Variants in P3H3 observed in about 807,000 individuals in gnomAD.
P3H3 encodes prolyl 3-hydroxylase 3.
In P3H3, 64 loss-of-function variants were observed where a neutral mutation model predicts 78.1. The observed-to-expected ratio is 0.82, with a 90% CI of 0.67 to 1.01. P3H3 has a LOEUF of 1.01. Among genes scored for constraint, P3H3 ranks in the 50% least tolerant of loss-of-function variants. P3H3 has a pLI of 0.00. For missense variants in P3H3, 975 were observed against 982.2 expected, an observed-to-expected ratio of 0.99 and a Z score of 0.10; for synonymous variants, 425 against 416.7, an observed-to-expected ratio of 1.02 and a Z score of -0.24.
Position 6,829,954 on chromosome 12 carries a change from A to ACGAATGT in P3H3, c.597_603dup (p.Gly202AsnfsTer22), listed in dbSNP as rs1273190842. ...TGCGGGAGGACATGGCTAAGTACAGACGAATGTCGGGAGTTCGGCCCCAGA... is the reference window on the plus strand; with the variant it reads ...TGCGGGAGGACATGGCTAAGTACAGACGAATGTCGAATGTCGGGAGTTCGGCCCCAGA... On this transcript the variant is annotated frameshift_variant, in exon 2 of 15. Transcript: ENST00000290510. LOFTEE classifies it high-confidence loss of function. This position sits in a 1 kb window ranked among gnomAD's most constrained non-coding sequence, Gnocchi z 5.1. 9 of 1,613,860 alleles carry ACGAATGT rather than the reference A, an allele frequency of 5.6e-6. No homozygotes were observed. The highest frequency in any genetic ancestry group is 2.7e-5 in the African/African-American group (2 of 74,910).
Position 6,830,687 on chromosome 12 carries a change from C to G in P3H3, c.902C>G (p.Thr301Arg). Residue 301 changes from threonine to arginine, a missense_variant, in exon 4 of 15, where the codon ACA (threonine) becomes AGA (arginine). Physicochemically the swap from Thr to Arg is moderately conservative, Grantham distance 71. Coordinates refer to ENST00000290510, the MANE Select transcript of P3H3 (RefSeq NM_014262.5). ...TGCCGGCAACGCTGTGTGGGGGAAA[C>G]AGCCACACGCCCTGGTCGCAGCTTC... Reference protein sequence around the residue: ...LQCRQRCVGETATRPGRSFPV... With the variant: ...LQCRQRCVGERATRPGRSFPV... 2 of 1,613,676 alleles carry G rather than the reference C, an allele frequency of 1.2e-6. No individual in the cohort carries two copies. The highest frequency in any genetic ancestry group is 1.7e-5 in the Admixed American group (1 of 59,974).
In P3H3 at chr12:6,829,919, C is replaced by A; in HGVS notation, c.559C>A (p.His187Asn). 6.2e-7 allele frequency: 1 copy of A among 1,614,050 alleles called. No homozygotes were observed. The highest frequency in any genetic ancestry group is 8.5e-7 in the Non-Finnish European group (1 of 1,179,882). Reference protein sequence around the residue: ...AHTFFVANPMHLQMREDMAKY... With the variant: ...AHTFFVANPMNLQMREDMAKY... ...CACCTTCTTTGTAGCAAACCCCATGCACCTGCAGATGCGGGAGGACATGGC... is the reference window on the plus strand; with the variant it reads ...CACCTTCTTTGTAGCAAACCCCATGAACCTGCAGATGCGGGAGGACATGGC... Residue 187 changes from histidine (H) to asparagine (N), a missense_variant, in exon 2 of 15, where the codon CAC becomes AAC. Coordinates refer to ENST00000290510, the MANE Select transcript of P3H3 (RefSeq NM_014262.5). This position sits in a 1 kb window ranked among gnomAD's most constrained non-coding sequence, Gnocchi z 5.1.
rs781989082 is a variant in P3H3, at chr12:6,829,944, C to T, written c.584C>T (p.Ala195Val). The change falls in exon 2 of 15, where the codon GCT (alanine) becomes GTT (valine). Residue 195 changes from alanine to valine, a missense_variant. Transcript: ENST00000290510. This position sits in a 1 kb window ranked among gnomAD's most constrained non-coding sequence, Gnocchi z 5.1. ...PMHLQMREDM[A>V]KYRRMSGVRP... ...CACCTGCAGATGCGGGAGGACATGG[C>T]TAAGTACAGACGAATGTCGGGAGTT... 2.5e-6 allele frequency: 4 copies of T among 1,613,908 alleles called. No individual in the cohort carries two copies. In the African/African-American group the frequency reaches 5.3e-5, roughly 22 times the overall value.
chr12:6,829,703 C>A lies in P3H3; in HGVS notation c.499-156C>A. 1.4e-6 allele frequency: 1 copy of A among 720,450 alleles called. No individual in the cohort carries two copies. Among genetic ancestry groups the A allele is most frequent in the Non-Finnish European group, 2.4e-6 (1 of 422,668 alleles). 44.6% of individuals were successfully genotyped at this position (720,450 alleles called of 1,614,324 possible). A position where few individuals can be genotyped will look rare whatever the true frequency, so the allele number is the denominator to read the frequency against. On this transcript the variant is annotated intron_variant, in intron 1 of 14. Coordinates refer to ENST00000290510, the MANE Select transcript of P3H3 (RefSeq NM_014262.5). This position sits in a 1 kb window ranked among gnomAD's most constrained non-coding sequence, Gnocchi z 5.1. Reference sequence around the variant, plus strand: ...AACGTTCTGGCCTCTAGGGGATCTGCAGTTCGGGCGGTGGGCGGTTCTGAT... The same window carrying A: ...AACGTTCTGGCCTCTAGGGGATCTGAAGTTCGGGCGGTGGGCGGTTCTGAT...
In P3H3 at chr12:6,833,573, C is replaced by CTGT. The variant is rs1565512723; in HGVS notation, c.1213-18_1213-17insGTT. The CTGT allele has an allele frequency of 6.2e-7, 1 of 1,613,198 alleles. No individual in the cohort carries two copies. The highest frequency in any genetic ancestry group is 1.7e-5 in the Admixed American group (1 of 60,026). ...GGGCTGACCTTGGTGGGTGATGATG[C>CTGT]TTTTCTGGACTGTCGCAGGACCCCT... On this transcript the variant is annotated intron_variant, in intron 6 of 14. Transcript: ENST00000290510.
At position 6,839,323 on chromosome 12, in the gene P3H3, G is replaced by T. The variant is rs1555122736; in HGVS notation, c.2073G>T (p.Leu691=). The change falls in exon 15 of 15, where the codon CTG becomes CTT. Residue 691 remains leucine (L), a synonymous_variant. Transcript: ENST00000290510. Reference sequence around the variant, plus strand: ...AGTGGATAGAAGCCAAAGAACTGCTGCAGGAGTCACAGGAGGAGGAGGAAG... The same window carrying T: ...AGTGGATAGAAGCCAAAGAACTGCTTCAGGAGTCACAGGAGGAGGAGGAAG... ...EQEWIEAKEL[L]QESQEEEEEE... is the part of the protein sequence containing the mutation. 1 of 1,553,694 alleles carries T rather than the reference G, an allele frequency of 6.4e-7. No homozygotes were observed. The highest frequency in any genetic ancestry group is 8.7e-7 in the Non-Finnish European group (1 of 1,148,102).
chr12:6,830,121 A>G (rs1943432843), intron 2 of P3H3, 110 bp downstream of exon 2: 2 of 1,388,640 alleles, frequency 1.4e-6, no homozygotes, highest in East Asian at 2.3e-5. Context: ...TGGGGTAATG[A>G]TCCTCAGCGA....
intron 1 of P3H3, 42 bp downstream of exon 1, chr12:6,828,980 C>T (rs889807123): frequency 1.8e-6 from 2 of 1,081,540 alleles, no homozygotes; most frequent in Non-Finnish European, 2.4e-6. Flanking sequence ...CCAGCCCTCA[C>T]CACGACGCTG....
At chr12:6,839,177 G>C (rs782032559) in intron 14 of P3H3, 37 bp downstream of exon 14, 61 of 1,580,030 alleles carry the variant, frequency 3.9e-5, no homozygotes, top group Non-Finnish European at 5.0e-5. Context: ...GGTTCTCCTG[G>C]TGCGTGAAGG....
At position 6,829,973 on chromosome 12, in the gene P3H3, C is replaced by T. The variant is rs1410265198; in HGVS notation, c.613C>T (p.Pro205Ser). 13 of 1,613,902 alleles carry T rather than the reference C, an allele frequency of 8.1e-6. No individual in the cohort carries two copies. The highest frequency in any genetic ancestry group is 1.1e-5 in the Non-Finnish European group (13 of 1,179,898). The part of the protein sequence containing the change: ...AKYRRMSGVR[P>S]QSFRDLETPP... ...GTACAGACGAATGTCGGGAGTTCGG[C>T]CCCAGAGCTTCCGGGACCTGGAGAC... The change falls in exon 2 of 15, where the codon CCC becomes TCC. Residue 205 changes from proline to serine, a missense_variant. Transcript: ENST00000290510. This position sits in a 1 kb window ranked among gnomAD's most constrained non-coding sequence, Gnocchi z 5.1.
chr12:6,830,474 AG>A lies in P3H3; in HGVS notation c.777del (p.Pro260LeufsTer60). 1 of 1,586,764 alleles carries A rather than the reference AG, an allele frequency of 6.3e-7. No individual in the cohort carries two copies. The highest frequency in any genetic ancestry group is 8.6e-7 in the Non-Finnish European group (1 of 1,167,490). On this transcript the variant is annotated frameshift_variant, in exon 3 of 15. Transcript: ENST00000290510. LOFTEE classifies it high-confidence loss of function. ...AQMESCRADC[E>X]GPEEQQGAEE... ...ATGGAGAGCTGCCGTGCTGACTGTG[AG>A]GGGCCTGAGGAGCAGCAGGGGGCTG...
chr12:6,829,182 G>A lies in P3H3; in HGVS notation c.498+244G>A, dbSNP rs1406608605. The A allele has an allele frequency of 1.8e-5, 7 of 386,920 alleles. No homozygotes were observed. Among genetic ancestry groups the A allele is most frequent in the African/African-American group, 1.2e-4 (6 of 48,158 alleles). 24.0% of individuals were successfully genotyped at this position (386,920 alleles called of 1,614,324 possible). A position where few individuals can be genotyped will look rare whatever the true frequency, so the allele number is the denominator to read the frequency against. On this transcript the variant is annotated intron_variant, in intron 1 of 14. Transcript: ENST00000290510. The surrounding 1 kb of genome is among the most constrained non-coding windows in gnomAD (Gnocchi z 5.1). ...GGGCGGGGAGGTCGTGAGGTGGGAC[G>A]GGAGCAGATCGAAGATGGAGGGACA...
chr12:6,829,703 C>T lies in P3H3; in HGVS notation c.499-156C>T. 1 of 720,452 alleles carries T rather than the reference C, an allele frequency of 1.4e-6. No homozygotes were observed. The highest frequency in any genetic ancestry group is 2.4e-6 in the Non-Finnish European group (1 of 422,668). 44.6% of individuals were successfully genotyped at this position (720,452 alleles called of 1,614,324 possible). ...AACGTTCTGGCCTCTAGGGGATCTG[C>T]AGTTCGGGCGGTGGGCGGTTCTGAT... On this transcript the variant is annotated intron_variant, in intron 1 of 14. Coordinates refer to ENST00000290510, the MANE Select transcript of P3H3 (RefSeq NM_014262.5). The surrounding 1 kb of genome is among the most constrained non-coding windows in gnomAD (Gnocchi z 5.1).
chr12:6,837,550 T>C lies in P3H3; in HGVS notation c.1688T>C (p.Leu563Pro), dbSNP rs782518108. ...ERPLHLSFTH[L>P]VCRSAIEGEQ... is the part of the protein sequence containing the mutation. Reference sequence around the variant, plus strand: ...CCCCTGCATCTGTCCTTCACCCACCTGGTGTGCCGCAGCGCCATAGAAGGT... The same window carrying C: ...CCCCTGCATCTGTCCTTCACCCACCCGGTGTGCCGCAGCGCCATAGAAGGT... Residue 563 changes from leucine (L) to proline (P), a missense_variant, in exon 11 of 15, where the codon CTG becomes CCG. Transcript: ENST00000290510. 5.0e-6 allele frequency: 8 copies of C among 1,612,510 alleles called. No homozygotes were observed. The highest frequency in any genetic ancestry group is 1.3e-5 in the African/African-American group (1 of 74,850).
intron 10 of P3H3, 136 bp downstream of exon 10, chr12:6,837,222 G>A (rs1943507462): frequency 8.2e-6 from 8 of 980,412 alleles, no homozygotes; most frequent in East Asian, 2.6e-5. Flanking sequence ...GACCCAGCGT[G>A]GAGAAAAGGG....
Position 6,829,094 on chromosome 12 carries a change from C to A in P3H3, c.498+156C>A, listed in dbSNP as rs1385843969. 1 of 428,636 alleles carries A rather than the reference C, an allele frequency of 2.3e-6. No individual in the cohort carries two copies. Among genetic ancestry groups the A allele is most frequent in the Non-Finnish European group, 3.9e-6 (1 of 254,812 alleles). 26.6% of individuals were successfully genotyped at this position (428,636 alleles called of 1,614,324 possible). On this transcript the variant is annotated intron_variant, in intron 1 of 14. Transcript: ENST00000290510. The surrounding 1 kb of genome is among the most constrained non-coding windows in gnomAD (Gnocchi z 5.1). The stretch of plus-strand genomic sequence containing the variant: ...CTCTGCGTAGGAGCTGGCTAAGCGA[C>A]CGCGAGGACCTCTTGAGATCGCAGA...
intron 9 of P3H3, 33 bp from the exon 10 acceptor site, chr12:6,836,952 G>T (rs1454514796): frequency 6.6e-7 from 1 of 1,526,148 alleles, no homozygotes. Context: ...GGGGCTGGGG[G>T]AGTGACTCCA....
chr12:6,828,430 GCTCCGACATCATGCTCCGGCTC>G lies in P3H3; in HGVS notation c.-5_17del. 1.5e-6 allele frequency: 1 copy of G among 665,828 alleles called. No individual in the cohort carries two copies. Among genetic ancestry groups the G allele is most frequent in the Non-Finnish European group, 2.4e-6 (1 of 412,602 alleles). 41.2% of individuals were successfully genotyped at this position (665,828 alleles called of 1,614,324 possible). A position where few individuals can be genotyped will look rare whatever the true frequency, so the allele number is the denominator to read the frequency against. ...CCGCATTTCCCCTCGGCTGCCGGCG[GCTCCGACATCATGCTCCGGCTC>G]CTCCGGCCGCTGCTGCTACTGCTGC... On this transcript the variant is annotated start_lost and 5_prime_UTR_variant, in exon 1 of 15. Transcript: ENST00000290510.
Position 6,839,357 on chromosome 12 carries a change from G to A in P3H3, c.2107G>A (p.Glu703Lys), listed in dbSNP as rs1555122756. Residue 703 changes from glutamate (E) to lysine (K), a missense_variant, in exon 15 of 15, where the codon GAA (glutamate) becomes AAA (lysine). Glu to Lys is a moderately conservative substitution (Grantham distance 56). Coordinates refer to ENST00000290510, the MANE Select transcript of P3H3 (RefSeq NM_014262.5). ...ESQEEEEEEE[E>K]EMPSKDPSPE... ...ACAGGAGGAGGAGGAAGAGGAAGAG[G>A]AAGAAATGCCCAGCAAAGACCCTTC... 6.4e-7 allele frequency: 1 copy of A among 1,553,880 alleles called. No homozygotes were observed. The highest frequency in any genetic ancestry group is 2.0e-5 in the Admixed American group (1 of 51,162).
Sources: allele counts gnomAD v4.1 joint callset, GRCh38; gene constraint gnomAD v4.1.1; non-coding constraint Gnocchi (gnomAD v3.1); transcripts MANE v1.5; gene names NCBI Gene and HGNC (gene_info 2026-07-23, HGNC 2026-07-21).